PCDHA1: variants seen among roughly 807,000 people sequenced by gnomAD.
PCDHA1 encodes protocadherin alpha 1.
A neutral mutation model predicts 61.3 loss-of-function variants in PCDHA1; 42 were observed. The observed-to-expected ratio is 0.69, with a 90% CI of 0.54 to 0.89. PCDHA1 has a LOEUF of 0.89. Ranked by LOEUF, PCDHA1 falls within the 40% of genes least tolerant of loss-of-function variation. The pLI is 0.00. For synonymous variants in PCDHA1, 610 were observed against 553.8 expected, an observed-to-expected ratio of 1.10 and a Z score of -1.43; for missense variants, 1,256 against 1,235.3, an observed-to-expected ratio of 1.02 and a Z score of -0.25.
At chr5:140,965,196 AG>A (rs2095879471) in intron 1 of PCDHA1, among the ~76,000 whole-genome samples, 3 of 152,254 alleles carry the variant, frequency 2.0e-5, no homozygotes, top group Non-Finnish European at 4.4e-5. Flanking sequence ...ATGAGGCAAT[AG>A]ATTTCAAATT....
chr5:140,830,384 C>T (rs2150185843), intron 1 of PCDHA1: 1 of 1,614,156 alleles, frequency 6.2e-7, no homozygotes, highest in South Asian at 1.1e-5. Context: ...GGAGGGCCCA[C>T]CCAAGATGGA....
At chr5:140,871,486 C>T in intron 1 of PCDHA1, 1 of 1,592,450 alleles carries the variant, frequency 6.3e-7, no homozygotes, top group African/African-American at 1.3e-5. Context: ...GTCAAATCAC[C>T]CCGGACAGGT....
intron 1 of PCDHA1, among the ~76,000 whole-genome samples, chr5:140,956,672 G>A (rs571890845): frequency 1.3e-5 from 2 of 152,242 alleles, no homozygotes; most frequent in Admixed American, 1.3e-4. Context: ...AAAGGAGTTA[G>A]GGAGGAGTAC....
Position 141,011,176 on chromosome 5 carries a change from A to G in PCDHA1, c.*1239A>G, listed in dbSNP as rs1198355681. On this transcript the variant is annotated 3_prime_UTR_variant, in exon 4 of 4. Coordinates refer to ENST00000504120, the MANE Select transcript of PCDHA1 (RefSeq NM_018900.4). The stretch of plus-strand genomic sequence containing the variant: ...ACCAACTATATATCAAGACCCAAAA[A>G]TTGAAGAAAAATATTGTTTTCTCAT... 1 of 153,724 alleles carries G rather than the reference A, an allele frequency of 6.5e-6. No homozygotes were observed. The highest frequency in any genetic ancestry group is 1.5e-5 in the Non-Finnish European group (1 of 68,024). The allele number at this position is 153,724 out of a possible 1,614,324, so 9.5% of individuals were successfully genotyped here.
intron 1 of PCDHA1, among the ~76,000 whole-genome samples, chr5:140,938,521 T>C (rs2092100005): frequency 6.6e-6 from 1 of 150,974 alleles, no homozygotes; most frequent in African/African-American, 2.4e-5. Context: ...TTTTCTGTTA[T>C]TGAATGGATA....
Position 140,882,483 on chromosome 5 carries a change from G to C in PCDHA1, c.2394+93799G>C. ...TTCCGGGTGGCGTCCAAAAGACACG[G>C]GGACCTTCTGGAGGTAAATCTGCAG... On this transcript the variant is annotated intron_variant, in intron 1 of 3. Coordinates refer to ENST00000504120, the MANE Select transcript of PCDHA1 (RefSeq NM_018900.4). 2 of 1,614,080 alleles carry C rather than the reference G, an allele frequency of 1.2e-6. No individual in the cohort carries two copies. Among genetic ancestry groups the C allele is most frequent in the Non-Finnish European group, 1.7e-6 (2 of 1,180,052 alleles).
intron 1 of PCDHA1, among the ~76,000 whole-genome samples, chr5:140,874,947 T>C (rs2055188699): frequency 6.6e-6 from 1 of 152,240 alleles, no homozygotes; most frequent in African/African-American, 2.4e-5. Flanking sequence ...AACAGCGGAA[T>C]TGTAAGCTAT....
rs782316296 is a variant in PCDHA1 at position 140,927,382 on chromosome 5, AG to A, written c.2395-51566del. Reference sequence around the variant, plus strand: ...CAATGGGATACTAAGCTACAGCCTAAGCCCCAGTCAGCACTTTCGCCTGGAC... The same window carrying A: ...CAATGGGATACTAAGCTACAGCCTAACCCCAGTCAGCACTTTCGCCTGGAC... On this transcript the variant is annotated intron_variant, in intron 1 of 3. Coordinates refer to ENST00000504120, the MANE Select transcript of PCDHA1 (RefSeq NM_018900.4). 6 of 1,614,012 alleles carry A rather than the reference AG, an allele frequency of 3.7e-6. No homozygotes were observed. The African/African-American group carries it at 8.0e-5, about 22-fold the overall frequency.
At chr5:140,909,598 T>A (rs934160611) in intron 1 of PCDHA1, among the ~76,000 whole-genome samples, 1 of 152,198 alleles carries the variant, frequency 6.6e-6, no homozygotes, top group Non-Finnish European at 1.5e-5. Flanking sequence ...ATTTACTATT[T>A]TTCTAGGTAG....
chr5:140,907,864 G>A (rs1033952784), intron 1 of PCDHA1, among the ~76,000 whole-genome samples: 3 of 152,202 alleles, frequency 2.0e-5, no homozygotes, highest in African/African-American at 7.2e-5. Context: ...GAGGCCAGCC[G>A]TTGGTGAGCA....
intron 1 of PCDHA1, chr5:140,850,814 C>T: frequency 6.3e-7 from 1 of 1,598,286 alleles, no homozygotes; most frequent in South Asian, 1.1e-5. Context: ...TGGCCTTCAG[C>T]CCGGGCCTTT....
At chr5:140,852,972 G>A (rs2150526368) in intron 1 of PCDHA1, 5 of 376,752 alleles carry the variant, frequency 1.3e-5, no homozygotes, top group South Asian at 2.2e-4. Context: ...TCCCCCTCCC[G>A]TGTTCACGCC....
intron 1 of PCDHA1, chr5:140,796,768 G>A: frequency 1.9e-6 from 3 of 1,614,160 alleles, no homozygotes; most frequent in Non-Finnish European, 2.5e-6. Flanking sequence ...CGCTGACTCA[G>A]GCTACAACGC....
At chr5:140,990,107 A>C (rs1359747896) in intron 3 of PCDHA1, among the ~76,000 whole-genome samples, 1 of 152,044 alleles carries the variant, frequency 6.6e-6, no homozygotes, top group East Asian at 1.9e-4. Context: ...TGAAACAGGA[A>C]ATTGAGAGCT....
chr5:140,822,344 T>A, intron 1 of PCDHA1: 1 of 1,614,076 alleles, frequency 6.2e-7, no homozygotes, highest in African/African-American at 1.3e-5. Context: ...GAAACGAACT[T>A]TTTAGAGCTG....
At chr5:140,796,576 C>A (rs1554119985) in intron 1 of PCDHA1, 3 of 1,613,316 alleles carry the variant, frequency 1.9e-6, no homozygotes, top group Middle Eastern at 1.7e-4. Context: ...GGTGAGCGCG[C>A]GGGATGCGGG....
intron 1 of PCDHA1, chr5:140,809,244 C>T (rs1554125101): frequency 9.9e-6 from 16 of 1,614,096 alleles, no homozygotes; most frequent in Non-Finnish European, 1.4e-5. Context: ...TTGGTGGGCG[C>T]TGTGGGTCCC....
At chr5:140,882,331 C>G (rs781801545) in intron 1 of PCDHA1, 3 of 1,614,214 alleles carry the variant, frequency 1.9e-6, no homozygotes, top group South Asian at 1.1e-5. Flanking sequence ...TTCTGATCCT[C>G]GCAGCCTGGG....
rs2098417240 is a variant in PCDHA1 at position 141,010,418 on chromosome 5, G to A, written c.*481G>A. Reference sequence around the variant, plus strand: ...AGCCAGCTTAGACTAATTGGTACAAGGAAGGCAAGAAAACAAAGACAAATA... The same window carrying A: ...AGCCAGCTTAGACTAATTGGTACAAAGAAGGCAAGAAAACAAAGACAAATA... On this transcript the variant is annotated 3_prime_UTR_variant, in exon 4 of 4. Coordinates refer to ENST00000504120, the MANE Select transcript of PCDHA1 (RefSeq NM_018900.4). The A allele has an allele frequency of 3.4e-6, 4 of 1,168,142 alleles. No homozygotes were observed. The East Asian group carries it at 1.0e-4, about 30-fold the overall frequency. The allele number at this position is 1,168,142 out of a possible 1,614,324, so 72.4% of individuals were successfully genotyped here. A position where few individuals can be genotyped will look rare whatever the true frequency, so the allele number is the denominator to read the frequency against.
Sources: gnomAD v4.1 joint callset for allele counts (sites outside exome capture counted in the v4.1 genomes callset) on GRCh38, gnomAD v4.1.1 for gene constraint, MANE v1.5 for transcripts, NCBI Gene and HGNC (gene_info 2026-07-23, HGNC 2026-07-21) for gene names.